The following ZNF831 variants were observed in gnomAD, a reference collection of about 807,000 sequenced individuals.
The protein encoded by ZNF831 is chromosome 20 open reading frame 174.
A neutral mutation model predicts 95.8 loss-of-function variants in ZNF831; 59 were observed. That is an observed-to-expected ratio of 0.62 (90% CI 0.50 to 0.77). ZNF831 has a LOEUF of 0.77. ZNF831 is among the 30% of genes least tolerant of loss of function. The pLI is 0.00. For missense variants in ZNF831, 2,205 were observed against 2,164.0 expected (o/e 1.02, Z -0.38); for synonymous variants, 961 against 925.5 (o/e 1.04, Z -0.70).
At chr20:59,210,634 AAAGCCCTTTC>A (rs1271452902) in intron 4 of ZNF831, among the ~76,000 whole-genome samples, 1 of 152,158 alleles carries the variant, frequency 6.6e-6, no homozygotes, top group Non-Finnish European at 1.5e-5. Context: ...CCCAGAATGA[AAAGCCCTTTC>A]ACCCCTTCTT....
intron 4 of ZNF831, among the ~76,000 whole-genome samples, chr20:59,226,797 A>G (rs952755064): frequency 2.6e-5 from 4 of 151,852 alleles, no homozygotes; most frequent in African/African-American, 9.7e-5. Context: ...TCATCACCAG[A>G]GCCACTTGTT....
In ZNF831 at chr20:59,203,897, C is replaced by T. The variant is rs142294439; in HGVS notation, c.3876-3008C>T. The stretch of plus-strand genomic sequence containing the variant: ...GACATTAACTAGAGGCATAGAGATC[C>T]GGAGCACTCACAAAATACCTCCCTG... On this transcript the variant is annotated intron_variant, in intron 3 of 5. Transcript: ENST00000371030. Among the ~76,000 whole-genome samples, 1,108 of 152,240 alleles carry T rather than the reference C, an allele frequency of 7.3e-3. 17 individuals carry two copies. The highest frequency in any genetic ancestry group is 0.025 in the African/African-American group (1,040 of 41,530).
At chr20:59,153,367 C>T (rs1980354272) in intron 2 of ZNF831, among the ~76,000 whole-genome samples, 1 of 152,226 alleles carries the variant, frequency 6.6e-6, no homozygotes, top group Admixed American at 6.5e-5. Context: ...AAGGTCAGGG[C>T]CCGATTTCTG....
rs200592986 is a variant in ZNF831, at chr20:59,254,111, G to A, written c.4402G>A (p.Asp1468Asn). The change falls in exon 6 of 6, where the codon GAT (aspartate) becomes AAT (asparagine). Residue 1468 changes from aspartate to asparagine, a missense_variant. Physicochemically the swap from Asp to Asn is conservative, Grantham distance 23. Transcript: ENST00000371030. The surrounding 1 kb of genome is among the most constrained non-coding windows in gnomAD (Gnocchi z 4.5). The stretch of plus-strand genomic sequence containing the variant: ...AGATCCCAAACCATACATCTTCTCA[G>A]ATGCTCAAAGGCCTTCTTCCTTTGG... Reference protein sequence around the residue: ...STDPKPYIFSDAQRPSSFGSK... With the variant: ...STDPKPYIFSNAQRPSSFGSK... 1 of 1,613,992 alleles carries A rather than the reference G, an allele frequency of 6.2e-7. No individual in the cohort carries two copies. The highest frequency in any genetic ancestry group is 8.5e-7 in the Non-Finnish European group (1 of 1,180,028).
chr20:59,222,769 G>A (rs940990290), intron 4 of ZNF831, among the ~76,000 whole-genome samples: 4 of 152,334 alleles, frequency 2.6e-5, no homozygotes, highest in Non-Finnish European at 4.4e-5. Context: ...GTCTGGGAGG[G>A]AGGCGGGCGG....
rs2146564384 is a variant in ZNF831, at chr20:59,192,362, A to T, written c.1343A>T (p.Tyr448Phe). ...ATCGACCTGCCCACGCCCTACACCT[A>T]CAAGGACTCCTTCCACTTTGACATC... ...GSIDLPTPYT[Y>F]KDSFHFDIRA... The change falls in exon 2 of 6, where the codon TAC becomes TTC. Residue 448 changes from tyrosine (Y) to phenylalanine (F), a missense_variant. Physicochemically the swap from Tyr to Phe is conservative, Grantham distance 22 (BLOSUM62 3). Transcript: ENST00000371030. This position sits in a 1 kb window ranked among gnomAD's most constrained non-coding sequence, Gnocchi z 5.2. 2 of 1,611,478 alleles carry T rather than the reference A, an allele frequency of 1.2e-6. No individual in the cohort carries two copies. Among genetic ancestry groups the T allele is most frequent in the Non-Finnish European group, 1.7e-6 (2 of 1,179,238 alleles).
chr20:59,228,394 GC>G (rs1568782994), intron 4 of ZNF831, among the ~76,000 whole-genome samples: 3 of 151,742 alleles, frequency 2.0e-5, no homozygotes, highest in South Asian at 2.1e-4. Flanking sequence ...TTAGTTGGCT[GC>G]TGACAGCCAA....
intron 1 of ZNF831, among the ~76,000 whole-genome samples, chr20:59,145,270 G>A (rs1054569738): frequency 6.6e-6 from 1 of 152,124 alleles, no homozygotes; most frequent in East Asian, 1.9e-4. Flanking sequence ...CGTTACCATT[G>A]GGCTGAGGGA....
chr20:59,125,793 G>A (rs780714876), intron 1 of ZNF831, among the ~76,000 whole-genome samples: 3 of 152,106 alleles, frequency 2.0e-5, no homozygotes, highest in South Asian at 2.1e-4. Context: ...GTACCACATC[G>A]ATTTTAATCT....
At chr20:59,230,766 A>G (rs931503001) in intron 4 of ZNF831, among the ~76,000 whole-genome samples, 1 of 152,264 alleles carries the variant, frequency 6.6e-6, no homozygotes, top group African/African-American at 2.4e-5. Context: ...GAACTAGGCT[A>G]AAGTTTAGAG....
intron 1 of ZNF831, among the ~76,000 whole-genome samples, chr20:59,125,950 G>A (rs983140271): frequency 3.3e-5 from 5 of 152,130 alleles, no homozygotes; most frequent in African/African-American, 1.2e-4. Context: ...TGGGTGCAAC[G>A]AGATGCTTCC....
chr20:59,144,740 C>T (rs1226011548), intron 1 of ZNF831, among the ~76,000 whole-genome samples: 2 of 152,226 alleles, frequency 1.3e-5, no homozygotes, highest in South Asian at 2.1e-4. Context: ...GTCAACCTCC[C>T]TGCCTCTCGT....
At chr20:59,152,096 A>G (rs1980279551) in intron 2 of ZNF831, among the ~76,000 whole-genome samples, 1 of 152,208 alleles carries the variant, frequency 6.6e-6, no homozygotes, top group South Asian at 2.1e-4. Context: ...AGGTTTCACT[A>G]GTCTGTTGCC....
intron 4 of ZNF831, among the ~76,000 whole-genome samples, chr20:59,209,873 C>CTGTCTTTCTCTTATAAAGACACT (rs1223874440): frequency 6.6e-6 from 1 of 152,220 alleles, no homozygotes; most frequent in Non-Finnish European, 1.5e-5. Context: ...ATATCTTCTT[C>CTGTCTTTCTCTTATAAAGACACT]TGTCTTTCTC....
chr20:59,136,677 T>C (rs1332618180), intron 1 of ZNF831, among the ~76,000 whole-genome samples: 1 of 152,202 alleles, frequency 6.6e-6, no homozygotes, highest in Non-Finnish European at 1.5e-5. Context: ...TAGGATAAAA[T>C]GTTGGAATTT....
rs184397273 is a variant in ZNF831 at position 59,141,850 on chromosome 20, T to C, written c.-1424-4381T>C. Among the ~76,000 whole-genome samples, 141 of 152,376 alleles carry C rather than the reference T, an allele frequency of 9.3e-4. 3 individuals are homozygous for C. The highest frequency in any genetic ancestry group is 2.6e-4 in the Non-Finnish European group (18 of 68,040). ...AGTTAAAATAAAAATATAACAATTA[T>C]AGTTTAAAAAACTATCTGTGAACCC... On this transcript the variant is annotated intron_variant, in intron 1 of 7. Transcript: ENST00000637017.
At chr20:59,196,890 G>T (rs1271057559) in intron 3 of ZNF831, among the ~76,000 whole-genome samples, 1 of 151,728 alleles carries the variant, frequency 6.6e-6, no homozygotes, top group Non-Finnish European at 1.5e-5. Context: ...CGATTTGCCT[G>T]CTCAGCCTCC....
At position 59,192,770 on chromosome 20, in the gene ZNF831, A is replaced by T. The variant is rs2146571360; in HGVS notation, c.1751A>T (p.Asp584Val). Residue 584 changes from aspartate to valine, a missense_variant, in exon 2 of 6, where the codon GAC becomes GTC. By Grantham distance (152) the Asp-to-Val change is radical. Coordinates refer to ENST00000371030, the MANE Select transcript of ZNF831 (RefSeq NM_178457.3). The surrounding 1 kb of genome is among the most constrained non-coding windows in gnomAD (Gnocchi z 5.2). Reference protein sequence around the residue: ...PIGDALVPAEDTDAKRTAARE... With the variant: ...PIGDALVPAEVTDAKRTAARE... ...GGCGATGCCCTGGTGCCCGCAGAGG[A>T]CACAGACGCAAAGAGAACTGCTGCG... The T allele has an allele frequency of 6.2e-7, 1 of 1,612,514 alleles. No individual in the cohort carries two copies.
At chr20:59,151,844 G>A (rs1980261426) in intron 2 of ZNF831, among the ~76,000 whole-genome samples, 1 of 152,186 alleles carries the variant, frequency 6.6e-6, no homozygotes, top group South Asian at 2.1e-4. Context: ...GAGACCCATA[G>A]GAGGTGGCTG....
Sources: gnomAD v4.1 joint callset for allele counts (sites outside exome capture counted in the v4.1 genomes callset) on GRCh38, gnomAD v4.1.1 for gene constraint, Gnocchi (gnomAD v3.1) non-coding constraint, MANE v1.5 for transcripts, NCBI Gene and HGNC (gene_info 2026-07-23, HGNC 2026-07-21) for gene names.